Variants in DAG1 observed in about 807,000 individuals in gnomAD.
DAG1 encodes the protein dystroglycan 1.
Under a neutral mutation model 46.1 loss-of-function variants are expected in DAG1, and 8 were observed. The observed-to-expected ratio is 0.17, with a 90% CI of 0.10 to 0.31. The LOEUF (loss-of-function observed/expected upper bound fraction) is 0.31. Among genes scored for constraint, DAG1 ranks in the 10% least tolerant of loss-of-function variants. DAG1 has a pLI of 1.00. For synonymous variants in DAG1, 495 were observed against 481.8 expected (o/e 1.03, Z -0.36); for missense variants, 1,003 against 1,189.9 (o/e 0.84, Z 2.31).
chr3:49,489,604 G>A (rs1332898693), intron 1 of DAG1, among the ~76,000 whole-genome samples: 1 of 152,160 alleles, frequency 6.6e-6, no homozygotes, highest in Non-Finnish European at 1.5e-5. Context: ...TTCCTGGGAA[G>A]GGAAGATAGA....
intron 1 of DAG1, among the ~76,000 whole-genome samples, chr3:49,477,639 A>G (rs2049719923): frequency 6.6e-6 from 1 of 152,184 alleles, no homozygotes; most frequent in Admixed American, 6.6e-5. Context: ...CTATTGGATA[A>G]TACATACATT....
At chr3:49,480,133 T>TTA (rs398038717) in intron 1 of DAG1, among the ~76,000 whole-genome samples, 1 of 129,532 alleles carries the variant, frequency 7.7e-6, no homozygotes, top group Non-Finnish European at 1.7e-5. Flanking sequence ...TTTTTTTTTT[T>TTA]AGTAGAGGCT....
At chr3:49,494,460 A>C (rs1243463647) in intron 1 of DAG1, among the ~76,000 whole-genome samples, 1 of 152,166 alleles carries the variant, frequency 6.6e-6, no homozygotes, top group Non-Finnish European at 1.5e-5. Context: ...GCCACCAGCC[A>C]GCACACTTTT....
intron 2 of DAG1, among the ~76,000 whole-genome samples, chr3:49,527,453 C>CGGAGCTTGCAGTGAGCT (rs1483957279): frequency 1.9e-5 from 1 of 52,984 alleles, no homozygotes; most frequent in East Asian, 0.018. Flanking sequence ...ACCCGGGAGG[C>CGGAGCTTGCAGTGAGCT]GGAGCTTGCA....
intron 1 of DAG1, among the ~76,000 whole-genome samples, chr3:49,490,309 C>T (rs999489963): frequency 6.6e-6 from 1 of 151,034 alleles, no homozygotes; most frequent in South Asian, 2.1e-4. Context: ...GCCGAGATCG[C>T]GCCACTGCCC....
chr3:49,524,987 A>ATATATG (rs2051128814), intron 2 of DAG1, among the ~76,000 whole-genome samples: 1 of 151,924 alleles, frequency 6.6e-6, no homozygotes, highest in Non-Finnish European at 1.5e-5. Flanking sequence ...ATACATATAC[A>ATATATG]TATATGTATA....
At chr3:49,515,767 GC>G (rs2050882574) in intron 2 of DAG1, among the ~76,000 whole-genome samples, 1 of 151,984 alleles carries the variant, frequency 6.6e-6, no homozygotes, top group Admixed American at 6.6e-5. Flanking sequence ...GTCATCTTGG[GC>G]CCACTGGTAC....
chr3:49,506,667 C>T (rs562199317), intron 1 of DAG1, among the ~76,000 whole-genome samples: 1 of 152,136 alleles, frequency 6.6e-6, no homozygotes, highest in South Asian at 2.1e-4. Context: ...ACCACTTGGT[C>T]GTGGTATATA....
rs202047972 is a variant in DAG1, at chr3:49,510,777, C to G, written c.243C>G (p.Thr81=). The stretch of plus-strand genomic sequence containing the variant: ...TCGTCGGGCGCTCATTTCGAGTGAC[C>G]ATTCCAACAGATTTGATTGCCTCCA... ...TAVVGRSFRV[T]IPTDLIASSG... Residue 81 remains threonine, a synonymous_variant, in exon 2 of 3, where the codon ACC becomes ACG. Transcript: ENST00000308775. 83 of 1,613,984 alleles carry G rather than the reference C, an allele frequency of 5.1e-5. No homozygotes were observed. The highest frequency in any genetic ancestry group is 4.2e-5 in the Non-Finnish European group (50 of 1,180,014).
intron 1 of DAG1, among the ~76,000 whole-genome samples, chr3:49,491,036 A>G (rs2050168282): frequency 1.3e-5 from 2 of 150,810 alleles, no homozygotes; most frequent in South Asian, 2.1e-4. Flanking sequence ...ACAGGCGCGC[A>G]CTACTACGCC....
At chr3:49,487,817 G>A (rs1379559768) in intron 1 of DAG1, among the ~76,000 whole-genome samples, 2 of 149,872 alleles carry the variant, frequency 1.3e-5, no homozygotes, top group African/African-American at 4.9e-5. Context: ...CTCCTGCCTC[G>A]GCCTCCCCAT....
Position 49,482,345 on chromosome 3 carries a change from GGATTA to G in DAG1, c.-117+11914_-117+11918del, listed in dbSNP as rs541236161. Among the ~76,000 whole-genome samples, 292 of 152,292 alleles carry G rather than the reference GGATTA, an allele frequency of 1.9e-3. 5 individuals carry two copies. The highest frequency in any genetic ancestry group is 5.8e-3 in the East Asian group (30 of 5,184). On this transcript the variant is annotated intron_variant, in intron 1 of 2. Coordinates refer to ENST00000308775, the MANE Select transcript of DAG1 (RefSeq NM_004393.6). ...ACCTGTAAAGGGTCTATGCTGAGGT[GGATTA>G]GTAAAAGAGGAAAGCCGCTTGCAGT...
chr3:49,478,533 T>TA (rs1164759840), intron 1 of DAG1, among the ~76,000 whole-genome samples: 6 of 125,528 alleles, frequency 4.8e-5, no homozygotes, highest in African/African-American at 8.5e-5. Flanking sequence ...AAGAGTTTTT[T>TA]TTTTTTTTTT....
At chr3:49,507,914 CTGTT>C (rs1173626888) in intron 1 of DAG1, among the ~76,000 whole-genome samples, 3 of 151,902 alleles carry the variant, frequency 2.0e-5, no homozygotes, top group African/African-American at 4.8e-5. Flanking sequence ...TGAGAGGAAT[CTGTT>C]CGTTTAGTTT....
chr3:49,505,299 ACTATGTTGC>A (rs1467322423), intron 1 of DAG1, among the ~76,000 whole-genome samples: 2 of 151,704 alleles, frequency 1.3e-5, no homozygotes, highest in Non-Finnish European at 2.9e-5. Flanking sequence ...TTTTTTAATT[ACTATGTTGC>A]CAAGGCTGGT....
Position 49,533,812 on chromosome 3 carries a change from T to A in DAG1, c.*613T>A, listed in dbSNP as rs1259941564. The A allele has an allele frequency of 7.5e-5, 14 of 187,216 alleles. No homozygotes were observed. Among genetic ancestry groups the A allele is most frequent in the Non-Finnish European group, 1.4e-4 (12 of 88,812 alleles). The allele number at this position is 187,216 out of a possible 1,614,324, so 11.6% of individuals were successfully genotyped here. ...ACTTAGAGAAGACCAAGGGACAGTA[T>A]TTTTTATCAAAGGAATACTATTTTT... On this transcript the variant is annotated 3_prime_UTR_variant, in exon 3 of 3. Coordinates refer to ENST00000308775, the MANE Select transcript of DAG1 (RefSeq NM_004393.6).
chr3:49,470,145 C>G (rs1165889154), upstream of DAG1: 2 of 151,176 alleles, frequency 1.3e-5, no homozygotes, highest in East Asian at 3.9e-4. Flanking sequence ...CAGAAGCCGG[C>G]GGCGCGCGGA....
intron 1 of DAG1, among the ~76,000 whole-genome samples, chr3:49,472,277 A>G (rs1575328636): frequency 6.6e-6 from 1 of 152,012 alleles, no homozygotes; most frequent in South Asian, 2.1e-4. Context: ...AGAGACTGAA[A>G]AGGTAGTACA....
At chr3:49,476,626 T>G (rs1162221683) in intron 1 of DAG1, among the ~76,000 whole-genome samples, 1 of 152,174 alleles carries the variant, frequency 6.6e-6, no homozygotes, top group Non-Finnish European at 1.5e-5. Flanking sequence ...CTGTCTAAAA[T>G]ACACTGAAAT....
Sources: allele counts gnomAD v4.1 joint callset (sites outside exome capture counted in the v4.1 genomes callset), GRCh38; gene constraint gnomAD v4.1.1; transcripts MANE v1.5; gene names NCBI Gene and HGNC (gene_info 2026-07-23, HGNC 2026-07-21).